LINGO2: variants seen among roughly 807,000 people sequenced by gnomAD.
LINGO2 encodes the protein leucine-rich repeat and immunoglobulin-like domain-containing nogo receptor-interacting protein 2.
A neutral mutation model predicts 30.6 loss-of-function variants in LINGO2; 14 were observed. The observed-to-expected ratio is 0.46, with a 90% CI of 0.30 to 0.72. LINGO2 has a LOEUF of 0.72. Among genes scored for constraint, LINGO2 ranks in the 30% least tolerant of loss-of-function variants. LINGO2 has a pLI of 0.07. For synonymous variants in LINGO2, 317 were observed against 288.5 expected (o/e 1.10, Z -1.00); for missense variants, 729 against 751.7 (o/e 0.97, Z 0.35).
the LINGO2 span, among the ~76,000 whole-genome samples, chr9:29,094,229 A>G: frequency 7.2e-6 from 1 of 138,764 alleles, no homozygotes; most frequent in African/African-American, 2.7e-5. Context: ...TAGAGCCAAA[A>G]TTATCCTTTA....
chr9:28,558,519 G>C lies in LINGO2; in HGVS notation c.-364-82494C>G, dbSNP rs569684555. On this transcript the variant is annotated intron_variant, in intron 1 of 5. Coordinates refer to ENST00000379992, the Ensembl canonical transcript of LINGO2. ...TAAAGTTCTTCTTTTCTAGTAGGGGGAGTGAAGAGTAGTAGCCTTATTTTG... is the reference window on the plus strand; with the variant it reads ...TAAAGTTCTTCTTTTCTAGTAGGGGCAGTGAAGAGTAGTAGCCTTATTTTG... Among the ~76,000 whole-genome samples, 3 of 152,172 alleles carry C rather than the reference G, an allele frequency of 2.0e-5. No homozygotes were observed. The East Asian group carries it at 5.8e-4, about 29-fold the overall frequency.
intron 4 of LINGO2, among the ~76,000 whole-genome samples, chr9:28,089,268 CT>C (rs1157267788): frequency 6.6e-6 from 1 of 152,114 alleles, no homozygotes; most frequent in East Asian, 1.9e-4. Flanking sequence ...ATACATTCTT[CT>C]CAGCACCACA....
intron 2 of LINGO2, among the ~76,000 whole-genome samples, chr9:28,425,482 A>C (rs908909604): frequency 3.3e-5 from 5 of 152,012 alleles, no homozygotes; most frequent in Non-Finnish European, 7.4e-5. Context: ...GTACTAAAGA[A>C]GTAGTGGAGG....
chr9:28,596,703 C>A (rs1825198083), intron 1 of LINGO2, among the ~76,000 whole-genome samples: 1 of 152,170 alleles, frequency 6.6e-6, no homozygotes, highest in Admixed American at 6.6e-5. Flanking sequence ...ATATCAATGC[C>A]TTTAGCATAA....
At chr9:28,267,763 C>G (rs1335118405) in intron 4 of LINGO2, among the ~76,000 whole-genome samples, 1 of 151,956 alleles carries the variant, frequency 6.6e-6, no homozygotes, top group South Asian at 2.1e-4. Flanking sequence ...TACATGATCC[C>G]CTACTCCTGG....
chr9:28,600,471 A>C (rs537849573), intron 1 of LINGO2, among the ~76,000 whole-genome samples: 1 of 152,228 alleles, frequency 6.6e-6, no homozygotes, highest in African/African-American at 2.4e-5. Flanking sequence ...TAATACCAAA[A>C]ATGTCATAAG....
chr9:28,207,267 A>T (rs1820440589), intron 4 of LINGO2, among the ~76,000 whole-genome samples: 1 of 152,116 alleles, frequency 6.6e-6, no homozygotes, highest in African/African-American at 2.4e-5. Flanking sequence ...CCAATTTCCC[A>T]CTGTAAACAT....
the LINGO2 span, among the ~76,000 whole-genome samples, chr9:28,875,071 A>C: frequency 6.6e-6 from 1 of 152,092 alleles, no homozygotes; most frequent in Non-Finnish European, 1.5e-5. Flanking sequence ...GCCTTGAAAA[A>C]CACAAGTAGA....
intron 4 of LINGO2, among the ~76,000 whole-genome samples, chr9:28,166,266 A>G (rs935511420): frequency 1.3e-5 from 2 of 152,208 alleles, no homozygotes; most frequent in African/African-American, 4.8e-5. Flanking sequence ...ACAATCTATC[A>G]TAAGTCATAG....
At chr9:28,675,877 A>C in the LINGO2 span, among the ~76,000 whole-genome samples, 1 of 145,776 alleles carries the variant, frequency 6.9e-6, no homozygotes, top group Non-Finnish European at 1.5e-5. Context: ...TTTCAAAAAA[A>C]AAGAAAAAAA....
chr9:28,536,339 TAAAC>T (rs1821436392), intron 1 of LINGO2, among the ~76,000 whole-genome samples: 1 of 152,110 alleles, frequency 6.6e-6, no homozygotes, highest in Non-Finnish European at 1.5e-5. Flanking sequence ...ACCCCTTACA[TAAAC>T]AAACACTGGC....
At chr9:28,422,977 A>T (rs966719766) in intron 2 of LINGO2, among the ~76,000 whole-genome samples, 12 of 152,122 alleles carry the variant, frequency 7.9e-5, no homozygotes, top group African/African-American at 2.9e-4. Context: ...TAGAATAGTC[A>T]AAATCATAGA....
chr9:28,722,275 A>G, the LINGO2 span, among the ~76,000 whole-genome samples: 1 of 152,176 alleles, frequency 6.6e-6, no homozygotes, highest in Non-Finnish European at 1.5e-5. Context: ...TGGAAGAAAA[A>G]GTATCCCTTC....
chr9:28,452,977 T>C (rs1824707635), intron 2 of LINGO2, among the ~76,000 whole-genome samples: 1 of 151,856 alleles, frequency 6.6e-6, no homozygotes, highest in South Asian at 2.1e-4. Context: ...GTCATGCATA[T>C]TTGCCAAATA....
chr9:29,169,636 G>A, the LINGO2 span, among the ~76,000 whole-genome samples: 1 of 152,198 alleles, frequency 6.6e-6, no homozygotes, highest in Non-Finnish European at 1.5e-5. Context: ...ATCAACAGAT[G>A]TTGGCAAGGA....
chr9:28,373,768 C>T (rs1564158153), intron 2 of LINGO2, among the ~76,000 whole-genome samples: 2 of 151,990 alleles, frequency 1.3e-5, no homozygotes, highest in East Asian at 1.9e-4. Context: ...GGCATGGTGG[C>T]GTGCGCCTGT....
At chr9:29,106,833 T>C in the LINGO2 span, among the ~76,000 whole-genome samples, 9 of 152,192 alleles carry the variant, frequency 5.9e-5, no homozygotes, top group African/African-American at 2.2e-4. Context: ...TTAAGTGATT[T>C]GATGAAGGTA....
intron 4 of LINGO2, among the ~76,000 whole-genome samples, chr9:28,047,047 G>A (rs1360734947): frequency 6.6e-6 from 1 of 152,130 alleles, no homozygotes; most frequent in Non-Finnish European, 1.5e-5. Context: ...ATGCTTAGCA[G>A]ATTGTAGGGA....
chr9:28,459,053 C>G (rs78246286), intron 2 of LINGO2, among the ~76,000 whole-genome samples: 1 of 151,730 alleles, frequency 6.6e-6, no homozygotes, highest in African/African-American at 2.4e-5. Context: ...ATCCTGGCAT[C>G]AATGAATGTA....
Sources: allele counts gnomAD v4.1 joint callset (sites outside exome capture counted in the v4.1 genomes callset), GRCh38; gene constraint gnomAD v4.1.1; transcripts MANE v1.5; gene names NCBI Gene and HGNC (gene_info 2026-07-23, HGNC 2026-07-21).